The following GRB10 variants were observed in gnomAD, a reference collection of about 807,000 sequenced individuals.
GRB10 encodes the protein growth factor receptor bound protein 10.
GRB10 carries 20 observed loss-of-function variants against 80.9 expected under a neutral mutation model. The observed-to-expected ratio is 0.25, with a 90% CI of 0.17 to 0.36. The LOEUF is 0.36. Ranked by LOEUF, GRB10 falls within the 10% of genes least tolerant of loss-of-function variation. The pLI is 1.00. For missense variants in GRB10, 548 were observed against 747.7 expected (o/e 0.73, Z 3.12); for synonymous variants, 291 against 291.5 (o/e 1.00, Z 0.02).
chr7:50,749,131 T>C (rs1280269800), intron 3 of GRB10, among the ~76,000 whole-genome samples: 1 of 21,066 alleles, frequency 4.7e-5, no homozygotes, highest in African/African-American at 6.2e-5. Flanking sequence ...TGTTTTTTTG[T>C]TTGTTTTTTT....
rs886801686 is a variant in GRB10, at chr7:50,703,801, G to T, written c.139+20C>A. On this transcript the variant is annotated intron_variant, in intron 5 of 18. Transcript: ENST00000401949. ...CAAAGCTAGAACTGGGAGTGTTCTT[G>T]TGTTTTGCTCATTCCTTACCCTGGT... 2.5e-5 allele frequency: 39 copies of T among 1,577,522 alleles called. No individual in the cohort carries two copies. The highest frequency in any genetic ancestry group is 3.3e-5 in the Non-Finnish European group (38 of 1,147,374).
At chr7:50,644,972 T>C (rs888870114) in intron 7 of GRB10, among the ~76,000 whole-genome samples, 1 of 152,122 alleles carries the variant, frequency 6.6e-6, no homozygotes, top group Admixed American at 6.5e-5. Flanking sequence ...GCTAAAACAC[T>C]GCAAAAGGGC....
upstream of GRB10, among the ~76,000 whole-genome samples, chr7:50,784,349 CT>C (rs1238351747): frequency 5.3e-5 from 8 of 152,230 alleles, no homozygotes. Context: ...AGATATGAGA[CT>C]TTTCTGCGGT....
At chr7:50,679,774 A>G (rs770954268) in intron 5 of GRB10, among the ~76,000 whole-genome samples, 9 of 152,246 alleles carry the variant, frequency 5.9e-5, no homozygotes, top group Non-Finnish European at 8.8e-5. Flanking sequence ...TCTCTAACAC[A>G]TGTGCAAAAG....
chr7:50,732,207 C>A (rs1486938938), intron 4 of GRB10, 65 bp downstream of exon 4: 1 of 1,503,480 alleles, frequency 6.7e-7, no homozygotes, highest in Non-Finnish European at 9.3e-7. Context: ...CTGCTGGCGA[C>A]ATGTGTGCCC....
intron 5 of GRB10, among the ~76,000 whole-genome samples, chr7:50,702,986 C>G (rs1175755519): frequency 6.6e-6 from 1 of 152,208 alleles, no homozygotes; most frequent in Admixed American, 6.5e-5. Context: ...GAAGTCAATA[C>G]TAACAAATTG....
At chr7:50,736,645 A>G (rs568687478) in intron 3 of GRB10, among the ~76,000 whole-genome samples, 19 of 152,174 alleles carry the variant, frequency 1.2e-4, no homozygotes, top group Non-Finnish European at 2.5e-4. Context: ...TTAGCCAGGC[A>G]TGGTCACGTG....
At chr7:50,648,440 C>G (rs1470095834) in intron 7 of GRB10, among the ~76,000 whole-genome samples, 1 of 152,160 alleles carries the variant, frequency 6.6e-6, no homozygotes, top group Non-Finnish European at 1.5e-5. Context: ...ATTAGGAAAC[C>G]AAGGAAAATG....
chr7:50,606,192 T>C, intron 14 of GRB10, 145 bp downstream of exon 14: 1 of 771,828 alleles, frequency 1.3e-6, no homozygotes, highest in South Asian at 1.4e-5. Context: ...ACCCACGTCA[T>C]CGTGGGACAT....
chr7:50,715,574 C>T (rs931165862), intron 4 of GRB10, among the ~76,000 whole-genome samples: 1 of 152,174 alleles, frequency 6.6e-6, no homozygotes, highest in Non-Finnish European at 1.5e-5. Context: ...GCCAGTGTGA[C>T]AAACTATGAT....
chr7:50,743,360 G>A (rs1461938375), intron 3 of GRB10, among the ~76,000 whole-genome samples: 1 of 152,256 alleles, frequency 6.6e-6, no homozygotes, highest in Admixed American at 6.5e-5. Context: ...CCTCCCGACA[G>A]AAAAGAGTAA....
intron 7 of GRB10, among the ~76,000 whole-genome samples, chr7:50,652,622 C>A (rs1383486097): frequency 6.6e-6 from 1 of 152,132 alleles, no homozygotes; most frequent in East Asian, 1.9e-4. Flanking sequence ...CCAGGTCATT[C>A]CAGAGTGGGA....
At chr7:50,696,932 T>C (rs901310970) in intron 5 of GRB10, among the ~76,000 whole-genome samples, 1 of 152,036 alleles carries the variant, frequency 6.6e-6, no homozygotes, top group African/African-American at 2.4e-5. Context: ...CAACAGATGA[T>C]GGAAAAATAA....
chr7:50,768,433 T>C (rs761789793), intron 2 of GRB10, among the ~76,000 whole-genome samples: 1 of 152,218 alleles, frequency 6.6e-6, no homozygotes, highest in African/African-American at 2.4e-5. Flanking sequence ...CCCAGGTTCA[T>C]TGTGGTCAGC....
intron 4 of GRB10, 46 bp downstream of exon 4, chr7:50,732,226 G>A (rs772514142): frequency 2.1e-5 from 33 of 1,591,142 alleles, no homozygotes; most frequent in Non-Finnish European, 2.8e-5. Flanking sequence ...CCTGGCCCTC[G>A]ACCAGCACCA....
intron 5 of GRB10, among the ~76,000 whole-genome samples, chr7:50,697,423 G>T (rs924425907): frequency 6.6e-6 from 1 of 152,110 alleles, no homozygotes; most frequent in Non-Finnish European, 1.5e-5. Flanking sequence ...AGAAATGTGG[G>T]ATGCATTTTT....
At chr7:50,777,310 A>G (rs2077766204) in intron 2 of GRB10, among the ~76,000 whole-genome samples, 1 of 151,934 alleles carries the variant, frequency 6.6e-6, no homozygotes, top group African/African-American at 2.4e-5. Context: ...AATCCCATCT[A>G]TGTCCACTCT....
intron 5 of GRB10, among the ~76,000 whole-genome samples, chr7:50,692,443 A>G (rs2062934963): frequency 6.6e-6 from 1 of 152,134 alleles, no homozygotes; most frequent in Admixed American, 6.5e-5. Flanking sequence ...CTGTTCTCTC[A>G]TCAATCATGC....
intron 4 of GRB10, among the ~76,000 whole-genome samples, chr7:50,722,068 T>C (rs1156522255): frequency 6.6e-6 from 1 of 152,170 alleles, no homozygotes; most frequent in Non-Finnish European, 1.5e-5. Flanking sequence ...CCGGTCACTA[T>C]GCTACCTCCT....
Sources: gnomAD v4.1 joint callset for allele counts (sites outside exome capture counted in the v4.1 genomes callset) on GRCh38, gnomAD v4.1.1 for gene constraint, MANE v1.5 for transcripts, NCBI Gene and HGNC (gene_info 2026-07-23, HGNC 2026-07-21) for gene names.